Variants in RALYL observed in about 807,000 individuals in gnomAD.
RALYL encodes RNA-binding Raly-like protein.
A neutral mutation model predicts 35.1 loss-of-function variants in RALYL; 29 were observed. The observed-to-expected ratio is 0.83, with a 90% CI of 0.61 to 1.13. The LOEUF (loss-of-function observed/expected upper bound fraction) is 1.13, where lower values mean the gene tolerates loss of function less well. Ranked by LOEUF, RALYL falls within the 50% of genes most tolerant of loss-of-function variation. The pLI is 0.00. For missense variants in RALYL, 359 were observed against 360.4 expected, an observed-to-expected ratio of 1.00 and a Z score of 0.03; for synonymous variants, 120 against 127.6, an observed-to-expected ratio of 0.94 and a Z score of 0.40.
At chr8:84,218,964 T>A (rs1821517836) in intron 1 of RALYL, among the ~76,000 whole-genome samples, 1 of 152,072 alleles carries the variant, frequency 6.6e-6, no homozygotes, top group African/African-American at 2.4e-5. Flanking sequence ...ACTTCCCACA[T>A]CTGAATCATG....
chr8:84,841,638 T>G (rs991101678), intron 4 of RALYL, among the ~76,000 whole-genome samples: 2 of 152,194 alleles, frequency 1.3e-5, no homozygotes, highest in Admixed American at 1.3e-4. Flanking sequence ...TCTACAGAAC[T>G]GTCTACCCCA....
chr8:84,794,664 G>C (rs1223996367), intron 3 of RALYL, among the ~76,000 whole-genome samples: 1 of 152,146 alleles, frequency 6.6e-6, no homozygotes, highest in Non-Finnish European at 1.5e-5. Flanking sequence ...ATTGGAGAAA[G>C]GATGAGACCC....
intron 1 of RALYL, among the ~76,000 whole-genome samples, chr8:84,453,796 A>C (rs960626074): frequency 6.6e-6 from 1 of 152,046 alleles, no homozygotes; most frequent in Non-Finnish European, 1.5e-5. Flanking sequence ...TTGGCTTAAA[A>C]AATAAAATCT....
At chr8:84,364,889 A>G (rs1184657126) in intron 1 of RALYL, among the ~76,000 whole-genome samples, 1 of 152,150 alleles carries the variant, frequency 6.6e-6, no homozygotes, top group Non-Finnish European at 1.5e-5. Context: ...AGAAAAGTTT[A>G]CCTTCAATGA....
At chr8:84,339,069 G>A (rs903031457) in intron 1 of RALYL, among the ~76,000 whole-genome samples, 1 of 152,066 alleles carries the variant, frequency 6.6e-6, no homozygotes, top group African/African-American at 2.4e-5. Context: ...TGACGATGGG[G>A]TTAACTAGAG....
intron 1 of RALYL, among the ~76,000 whole-genome samples, chr8:84,308,694 G>A (rs1422577249): frequency 1.3e-5 from 2 of 152,140 alleles, no homozygotes; most frequent in Non-Finnish European, 2.9e-5. Flanking sequence ...GTGATAAAAT[G>A]TGTATTTTTA....
chr8:84,790,673 G>A (rs140107745), intron 3 of RALYL, among the ~76,000 whole-genome samples: 20 of 152,256 alleles, frequency 1.3e-4, no homozygotes, highest in African/African-American at 4.1e-4. Flanking sequence ...AGCAAAAAAC[G>A]ATTTGCAAAT....
At position 84,311,090 on chromosome 8, in the gene RALYL, A is replaced by AAAAAAAAAT. The variant is rs1554614840; in HGVS notation, c.-24+126667_-24+126668insAAAAAAATA. On this transcript the variant is annotated intron_variant, in intron 1 of 8. Coordinates refer to ENST00000521268, the MANE Select transcript of RALYL (RefSeq NM_173848.7). ...AAAAAAAAAAAAAAAAAAAAAAAAAAATGTATATTAATGTATAGTATAAAT... is the reference window on the plus strand; with the variant it reads ...AAAAAAAAAAAAAAAAAAAAAAAAAAAAAAAAAATATGTATATTAATGTATAGTATAAAT... Among the ~76,000 whole-genome samples the AAAAAAAAAT allele has an allele frequency of 4.5e-3, 448 of 99,752 alleles. 45 individuals carry two copies. Among genetic ancestry groups the AAAAAAAAAT allele is most frequent in the Middle Eastern group, 5.5e-3 (1 of 182 alleles). The allele number at this position is 99,752 out of a possible 152,430, so 65.4% of individuals were successfully genotyped here.
chr8:84,567,944 C>T (rs1031401946), intron 2 of RALYL, among the ~76,000 whole-genome samples: 16 of 151,598 alleles, frequency 1.1e-4, no homozygotes, highest in African/African-American at 3.4e-4. Flanking sequence ...TAATTTGTCT[C>T]TCTCTGGTTA....
At chr8:84,548,435 T>C (rs2135389344) in intron 2 of RALYL, among the ~76,000 whole-genome samples, 1 of 152,324 alleles carries the variant, frequency 6.6e-6, no homozygotes, top group East Asian at 1.9e-4. Flanking sequence ...TTAAAAGTTT[T>C]AGCACATGTT....
At chr8:84,356,790 A>G (rs1851920221) in intron 1 of RALYL, among the ~76,000 whole-genome samples, 1 of 150,320 alleles carries the variant, frequency 6.7e-6, no homozygotes, top group Non-Finnish European at 1.5e-5. Flanking sequence ...AACAAGAAAA[A>G]ATGTTATGCT....
intron 1 of RALYL, among the ~76,000 whole-genome samples, chr8:84,275,650 A>G (rs1027254244): frequency 6.6e-6 from 1 of 152,060 alleles, no homozygotes; most frequent in Non-Finnish European, 1.5e-5. Context: ...TATCAAATCG[A>G]AATTCAATAT....
At chr8:84,671,857 C>T (rs1833321978) in intron 2 of RALYL, among the ~76,000 whole-genome samples, 1 of 152,218 alleles carries the variant, frequency 6.6e-6, no homozygotes, top group Non-Finnish European at 1.5e-5. Context: ...TGGCAGTTAA[C>T]ATTTACTCCT....
At position 84,661,573 on chromosome 8, in the gene RALYL, G is replaced by A. The variant is rs143200924; in HGVS notation, c.257-113006G>A. On this transcript the variant is annotated intron_variant, in intron 2 of 8. Transcript: ENST00000521268. The stretch of plus-strand genomic sequence containing the variant: ...TGATATAGGCATGGCTTTAATTTAT[G>A]GCAATAGTTTTTTGACATAGTTTTT... 5.0e-3 allele frequency among the ~76,000 whole-genome samples: 746 copies of A among 149,688 alleles called. 6 individuals are homozygous for A. The highest frequency in any genetic ancestry group is 0.014 in the African/African-American group (580 of 40,956).
At chr8:84,310,907 C>T (rs1362258186) in intron 1 of RALYL, among the ~76,000 whole-genome samples, 6 of 143,966 alleles carry the variant, frequency 4.2e-5, no homozygotes, top group African/African-American at 1.6e-4. Context: ...ATTAGCCGGG[C>T]GCGGTGGCGG....
intron 1 of RALYL, among the ~76,000 whole-genome samples, chr8:84,194,839 A>T (rs1814822001): frequency 6.6e-6 from 1 of 152,198 alleles, no homozygotes; most frequent in South Asian, 2.1e-4. Flanking sequence ...AGGATCAGAC[A>T]GTTGACTTGT....
intron 1 of RALYL, among the ~76,000 whole-genome samples, chr8:84,392,614 C>A (rs985619122): frequency 1.3e-5 from 2 of 151,918 alleles, no homozygotes; most frequent in South Asian, 2.1e-4. Flanking sequence ...TGGGGAGGGG[C>A]TTGACTGTAA....
chr8:84,438,255 G>A (rs75096107), intron 1 of RALYL, among the ~76,000 whole-genome samples: 1,899 of 152,192 alleles, frequency 0.012, 10 homozygotes, highest in Non-Finnish European at 0.017. Context: ...AGGCTCTTTA[G>A]TTCAATTAGG....
intron 1 of RALYL, among the ~76,000 whole-genome samples, chr8:84,319,625 A>G (rs1261552456): frequency 6.6e-6 from 1 of 152,058 alleles, no homozygotes; most frequent in Non-Finnish European, 1.5e-5. Context: ...CACTTCTTTA[A>G]TCATAGCTAG....
Sources: allele counts gnomAD v4.1 joint callset (sites outside exome capture counted in the v4.1 genomes callset), GRCh38; gene constraint gnomAD v4.1.1; transcripts MANE v1.5; gene names NCBI Gene and HGNC (gene_info 2026-07-23, HGNC 2026-07-21).